Variants in PRCP observed in about 807,000 individuals in gnomAD.
The protein encoded by PRCP is lysosomal Pro-X carboxypeptidase.
Under a neutral mutation model 54.2 loss-of-function variants are expected in PRCP, and 46 were observed. The ratio of observed to expected loss-of-function variants is 0.85; its 90% CI spans 0.67 to 1.09. The LOEUF (loss-of-function observed/expected upper bound fraction) is 1.09. Among genes scored for constraint, PRCP ranks in the 50% least tolerant of loss-of-function variants. PRCP has a pLI of 0.00. For missense variants in PRCP, 613 were observed against 596.8 expected, an observed-to-expected ratio of 1.03 and a Z score of -0.28; for synonymous variants, 240 against 212.2, an observed-to-expected ratio of 1.13 and a Z score of -1.14.
At chr11:82,835,919 G>C in intron 8 of PRCP, 1 of 389,414 alleles carries the variant, frequency 2.6e-6, no homozygotes, top group South Asian at 2.0e-5. Context: ...CTAGCCGGGC[G>C]TGGTGGCTCA....
At chr11:82,843,027 A>G (rs924313025) in intron 6 of PRCP, among the ~76,000 whole-genome samples, 12 of 152,232 alleles carry the variant, frequency 7.9e-5, no homozygotes, top group African/African-American at 2.9e-4. Flanking sequence ...GAGTAACTCA[A>G]TGCCAGGCAC....
chr11:82,864,280 CA>C (rs1490010040), intron 1 of PRCP, among the ~76,000 whole-genome samples: 1 of 152,192 alleles, frequency 6.6e-6, no homozygotes, highest in Non-Finnish European at 1.5e-5. Context: ...CATGAATTTA[CA>C]GAATTTCCTT....
chr11:82,869,647 G>T (rs886222177), intron 1 of PRCP, among the ~76,000 whole-genome samples: 5 of 152,210 alleles, frequency 3.3e-5, no homozygotes, highest in Non-Finnish European at 7.3e-5. Flanking sequence ...ATAAGGCCTG[G>T]CATGTAGTAG....
At chr11:82,895,410 C>T (rs1300662492) in intron 1 of PRCP, among the ~76,000 whole-genome samples, 3 of 152,118 alleles carry the variant, frequency 2.0e-5, no homozygotes, top group African/African-American at 7.2e-5. Flanking sequence ...CTCAAGTGAT[C>T]CTCCTAGCCT....
chr11:82,828,613 A>G (rs994682655), intron 8 of PRCP: 1 of 152,246 alleles, frequency 6.6e-6, no homozygotes. Flanking sequence ...CCTGAAATAA[A>G]AAGTCTTCAA....
intron 1 of PRCP, among the ~76,000 whole-genome samples, chr11:82,871,759 T>G (rs577961303): frequency 1.3e-5 from 2 of 152,308 alleles, no homozygotes; most frequent in African/African-American, 4.8e-5. Context: ...GCAACCCCAG[T>G]TCTTACTATT....
At chr11:82,899,183 C>A (rs1168904359) in intron 1 of PRCP, among the ~76,000 whole-genome samples, 1 of 152,184 alleles carries the variant, frequency 6.6e-6, no homozygotes, top group Non-Finnish European at 1.5e-5. Flanking sequence ...CATAGTGAGC[C>A]TTGTCTCTGC....
intron 1 of PRCP, among the ~76,000 whole-genome samples, chr11:82,897,105 T>C (rs1008219341): frequency 6.6e-6 from 1 of 152,168 alleles, no homozygotes; most frequent in Non-Finnish European, 1.5e-5. Context: ...ATGACACTGA[T>C]ACCACACATA....
intron 6 of PRCP, among the ~76,000 whole-genome samples, chr11:82,842,659 A>T (rs951855604): frequency 3.3e-5 from 5 of 152,204 alleles, no homozygotes; most frequent in African/African-American, 1.2e-4. Flanking sequence ...CTCAAAAGAG[A>T]TCAACATGTT....
At chr11:82,857,786 T>C (rs979598703) in intron 2 of PRCP, among the ~76,000 whole-genome samples, 2 of 152,210 alleles carry the variant, frequency 1.3e-5, no homozygotes, top group African/African-American at 4.8e-5. Flanking sequence ...ATGGTTTCAA[T>C]AACCCCCACT....
At chr11:82,838,342 A>G (rs1300738321) in intron 8 of PRCP, 45 bp downstream of exon 8, 13 of 1,534,050 alleles carry the variant, frequency 8.5e-6, no homozygotes, top group Admixed American at 1.9e-5. Context: ...ATATTCTACA[A>G]ATGTTCCACC....
chr11:82,837,811 CAT>C (rs1858562894), intron 8 of PRCP, among the ~76,000 whole-genome samples: 1 of 152,166 alleles, frequency 6.6e-6, no homozygotes, highest in African/African-American at 2.4e-5. Context: ...GAAAAACAAA[CAT>C]GGGATTTGTA....
chr11:82,866,570 T>A (rs1469944530), intron 1 of PRCP, among the ~76,000 whole-genome samples: 1 of 151,834 alleles, frequency 6.6e-6, no homozygotes, highest in Admixed American at 6.6e-5. Context: ...AAATGGTAAA[T>A]GAGAAAGGGA....
intron 1 of PRCP, among the ~76,000 whole-genome samples, chr11:82,866,468 G>T (rs964078289): frequency 1.3e-5 from 2 of 152,140 alleles, no homozygotes; most frequent in African/African-American, 2.4e-5. Context: ...CCAGGAGACA[G>T]AACTGCATTC....
intron 6 of PRCP, among the ~76,000 whole-genome samples, chr11:82,843,928 G>A (rs116262923): frequency 0.017 from 2,616 of 149,948 alleles, 47 homozygotes; most frequent in African/African-American, 0.041. Flanking sequence ...TCATGCTCAC[G>A]TGTGAAATGG....
At chr11:82,877,885 A>C (rs1859644900) in intron 1 of PRCP, among the ~76,000 whole-genome samples, 1 of 152,192 alleles carries the variant, frequency 6.6e-6, no homozygotes, top group East Asian at 1.9e-4. Flanking sequence ...AGACCCACTG[A>C]CAGCTTGTAC....
At chr11:82,893,765 C>A (rs966817774) in intron 1 of PRCP, among the ~76,000 whole-genome samples, 1 of 152,116 alleles carries the variant, frequency 6.6e-6, no homozygotes, top group Non-Finnish European at 1.5e-5. Context: ...TTCACTCCAG[C>A]CTGAGTGACA....
chr11:82,875,139 T>C (rs1043914535), intron 1 of PRCP, among the ~76,000 whole-genome samples: 1 of 152,178 alleles, frequency 6.6e-6, no homozygotes, highest in African/African-American at 2.4e-5. Context: ...ATGTAAATAA[T>C]CTCAATTGTT....
intron 8 of PRCP, chr11:82,825,916 T>C (rs1858220065): frequency 6.6e-6 from 1 of 152,124 alleles, no homozygotes. Flanking sequence ...GAGTAAAAAA[T>C]CCAATACAAC....
Sources: allele counts gnomAD v4.1 joint callset (sites outside exome capture counted in the v4.1 genomes callset), GRCh38; gene constraint gnomAD v4.1.1; transcripts MANE v1.5; gene names NCBI Gene and HGNC (gene_info 2026-07-23, HGNC 2026-07-21).